C11orf97: variants seen among roughly 807,000 people sequenced by gnomAD.
C11orf97 encodes the protein uncharacterized protein C11orf97.
In C11orf97, 15 loss-of-function variants were observed where a neutral mutation model predicts 16.2. The ratio of observed to expected loss-of-function variants is 0.93; its 90% CI spans 0.62 to 1.43. The LOEUF (loss-of-function observed/expected upper bound fraction) is 1.43. Ranked by LOEUF, C11orf97 falls within the 40% of genes most tolerant of loss-of-function variation. The pLI is 0.00. For missense variants in C11orf97, 171 were observed against 161.2 expected (o/e 1.06, Z -0.33); for synonymous variants, 61 against 65.7 (o/e 0.93, Z 0.34).
intron 2 of C11orf97, among the ~76,000 whole-genome samples, chr11:94,525,092 A>G (rs1334580224): frequency 3.3e-5 from 5 of 152,084 alleles, no homozygotes; most frequent in Admixed American, 2.6e-4. Flanking sequence ...AAGAAAGAAA[A>G]GAAAAATGTA....
intron 2 of C11orf97, among the ~76,000 whole-genome samples, chr11:94,526,274 C>T (rs568912117): frequency 6.6e-6 from 1 of 152,326 alleles, no homozygotes; most frequent in Non-Finnish European, 1.5e-5. Context: ...CTTCTTCACC[C>T]AAACATCACT....
intron 2 of C11orf97, among the ~76,000 whole-genome samples, chr11:94,521,848 T>C (rs1203959216): frequency 6.6e-6 from 1 of 152,212 alleles, no homozygotes; most frequent in Non-Finnish European, 1.5e-5. Flanking sequence ...ATGGTGTCTC[T>C]GGTGACACGT....
Position 94,512,572 on chromosome 11 carries a change from C to T in C11orf97, c.44C>T (p.Pro15Leu). 7.7e-7 allele frequency: 1 copy of T among 1,304,822 alleles called. No homozygotes were observed. The highest frequency in any genetic ancestry group is 9.7e-7 in the Non-Finnish European group (1 of 1,026,480). 80.8% of individuals were successfully genotyped at this position (1,304,822 alleles called of 1,614,324 possible). ...EAVVVTAVVA[P>L]KAGREEEQPP... ...GTGGTGGTGACCGCAGTGGTGGCGC[C>T]CAAGGCGGGTCGCGAAGAGGAGCAG... The change falls in exon 1 of 4, where the codon CCC becomes CTC. Residue 15 changes from proline (P) to leucine (L), a missense_variant. Transcript: ENST00000542198.
intron 2 of C11orf97, among the ~76,000 whole-genome samples, chr11:94,526,425 G>A (rs12793645): frequency 0.032 from 4,934 of 152,180 alleles, 188 homozygotes; most frequent in African/African-American, 0.088. Context: ...GTTTTTCTCT[G>A]TGACATTCTT....
chr11:94,517,870 CT>C, intron 2 of C11orf97, among the ~76,000 whole-genome samples, 183 bp downstream of exon 2: 1 of 151,712 alleles, frequency 6.6e-6, no homozygotes, highest in East Asian at 1.9e-4. Context: ...AAAAAATGGG[CT>C]GGGCACGGTG....
chr11:94,528,084 TG>T lies in C11orf97; in HGVS notation c.253del (p.Ala85ProfsTer17). ...TTCTTGCCTTAAAAAATATTGACAGTGGCCCTGGAAGGGATTTGGAGCATTA... is the reference window on the plus strand; with the variant it reads ...TTCTTGCCTTAAAAAATATTGACAGTGCCCTGGAAGGGATTTGGAGCATTA... ...DECHIKNPAAVALEGIWSIKR... is the reference protein window; with the variant it reads ...DECHIKNPAAXALEGIWSIKR... On this transcript the variant is annotated frameshift_variant and splice_region_variant, in exon 3 of 4. Coordinates refer to ENST00000542198, the MANE Select transcript of C11orf97 (RefSeq NM_001190462.2). LOFTEE classifies it high-confidence loss of function. 6.6e-7 allele frequency: 1 copy of T among 1,526,244 alleles called. No homozygotes were observed. The highest frequency in any genetic ancestry group is 1.4e-5 in the African/African-American group (1 of 72,664). The allele number at this position is 1,526,244 out of a possible 1,614,324, so 94.5% of individuals were successfully genotyped here. A position where few individuals can be genotyped will look rare whatever the true frequency, so the allele number is the denominator to read the frequency against.
intron 1 of C11orf97, among the ~76,000 whole-genome samples, chr11:94,513,003 A>G (rs879884056): frequency 3.3e-5 from 5 of 152,174 alleles, no homozygotes; most frequent in Non-Finnish European, 7.4e-5. Context: ...ACATTTGTAT[A>G]TGTATATGTG....
intron 1 of C11orf97, 41 bp downstream of exon 1, chr11:94,512,714 G>T: frequency 8.1e-7 from 1 of 1,234,556 alleles, no homozygotes; most frequent in Non-Finnish European, 1.0e-6. Context: ...GGGAGGAGGG[G>T]CGTGGAGAAC....
In C11orf97 at chr11:94,530,474, T is replaced by G. The variant is rs1023569478; in HGVS notation, c.377-1422T>G. Among the ~76,000 whole-genome samples, 4 of 152,336 alleles carry G rather than the reference T, an allele frequency of 2.6e-5. No homozygotes were observed. In the East Asian group the frequency reaches 7.7e-4, roughly 29 times the overall value. Reference sequence around the variant, plus strand: ...GAAGATGCTAGGCACAGAAATATCATAGAAGAACAAAATCCATAGATAATT... The same window carrying G: ...GAAGATGCTAGGCACAGAAATATCAGAGAAGAACAAAATCCATAGATAATT... On this transcript the variant is annotated intron_variant, in intron 3 of 3. Transcript: ENST00000542198.
chr11:94,522,548 CAAACAAACA>C (rs978574237), intron 2 of C11orf97, among the ~76,000 whole-genome samples: 2 of 151,372 alleles, frequency 1.3e-5, no homozygotes, highest in African/African-American at 4.9e-5. Context: ...AACAAACAAA[CAAACAAACA>C]AAACAATTGA....
chr11:94,523,745 A>C (rs1947677687), intron 2 of C11orf97, among the ~76,000 whole-genome samples: 1 of 152,244 alleles, frequency 6.6e-6, no homozygotes, highest in African/African-American at 2.4e-5. Context: ...CGTTGGTTGC[A>C]TAGCTAGCGG....
chr11:94,525,102 A>G (rs1291878961), intron 2 of C11orf97, among the ~76,000 whole-genome samples: 1 of 151,900 alleles, frequency 6.6e-6, no homozygotes, highest in African/African-American at 2.4e-5. Context: ...AGAAAAATGT[A>G]GGCTTATGAG....
Position 94,524,888 on chromosome 11 carries a change from G to A in C11orf97, c.251-3196G>A, listed in dbSNP as rs141379527. 5.9e-5 allele frequency among the ~76,000 whole-genome samples: 9 copies of A among 151,974 alleles called. No homozygotes were observed. The East Asian group carries it at 9.7e-4, about 16-fold the overall frequency. On this transcript the variant is annotated intron_variant, in intron 2 of 3. Coordinates refer to ENST00000542198, the MANE Select transcript of C11orf97 (RefSeq NM_001190462.2). ...AGCCCAGGCAACATGGTGAAACCTCGTCTCTATTAAAAATACAAAAATTAG... is the reference window on the plus strand; with the variant it reads ...AGCCCAGGCAACATGGTGAAACCTCATCTCTATTAAAAATACAAAAATTAG...
chr11:94,516,316 T>C (rs1182434421), intron 1 of C11orf97, among the ~76,000 whole-genome samples: 1 of 152,120 alleles, frequency 6.6e-6, no homozygotes, highest in Non-Finnish European at 1.5e-5. Flanking sequence ...ACAACTAAAG[T>C]ATTTGGTTGT....
intron 1 of C11orf97, 21 bp from the exon 2 acceptor site, chr11:94,517,562 A>G (rs1292817647): frequency 7.0e-7 from 1 of 1,420,326 alleles, no homozygotes; most frequent in African/African-American, 1.4e-5. Context: ...TAAGTAATTG[A>G]TTTTGTTAAT....
intron 1 of C11orf97, among the ~76,000 whole-genome samples, chr11:94,514,639 C>T (rs1286649876): frequency 1.6e-5 from 2 of 122,286 alleles, no homozygotes; most frequent in Non-Finnish European, 3.4e-5. Context: ...TTTATTTTTG[C>T]CTTTTTTTTT....
chr11:94,513,690 C>T (rs1320286780), intron 1 of C11orf97, among the ~76,000 whole-genome samples: 1 of 152,234 alleles, frequency 6.6e-6, no homozygotes, highest in African/African-American at 2.4e-5. Flanking sequence ...TGGGCATCAG[C>T]TCCAGTATGA....
At chr11:94,530,110 T>TA (rs1012145007) in intron 3 of C11orf97, among the ~76,000 whole-genome samples, 5 of 152,222 alleles carry the variant, frequency 3.3e-5, no homozygotes, top group African/African-American at 9.6e-5. Flanking sequence ...GGACATATGA[T>TA]AAAAAATGCA....
At chr11:94,513,022 T>C (rs901550921) in intron 1 of C11orf97, among the ~76,000 whole-genome samples, 1 of 152,212 alleles carries the variant, frequency 6.6e-6, no homozygotes, top group African/African-American at 2.4e-5. Flanking sequence ...TGTATGTATG[T>C]ATGTATGCGT....
Sources: gnomAD v4.1 joint callset for allele counts (sites outside exome capture counted in the v4.1 genomes callset) on GRCh38, gnomAD v4.1.1 for gene constraint, MANE v1.5 for transcripts, NCBI Gene and HGNC (gene_info 2026-07-23, HGNC 2026-07-21) for gene names.